Variants in TMEM132D observed in about 807,000 individuals in gnomAD.
The protein encoded by TMEM132D is mature OL transmembrane protein.
A neutral mutation model predicts 62.3 loss-of-function variants in TMEM132D; 21 were observed. The observed-to-expected ratio is 0.34, with a 90% CI of 0.24 to 0.49. The LOEUF is 0.49. Ranked by LOEUF, TMEM132D falls within the 20% of genes least tolerant of loss-of-function variation. The pLI is 0.99. For missense variants in TMEM132D, 1,346 were observed against 1,402.8 expected, an observed-to-expected ratio of 0.96 and a Z score of 0.65; for synonymous variants, 621 against 575.6, an observed-to-expected ratio of 1.08 and a Z score of -1.13.
At chr12:129,681,120 G>T (rs7307841) in intron 2 of TMEM132D, among the ~76,000 whole-genome samples, 1 of 151,992 alleles carries the variant, frequency 6.6e-6, no homozygotes, top group Non-Finnish European at 1.5e-5. Flanking sequence ...GCAGGGTAAG[G>T]GTAGAAAATA....
intron 1 of TMEM132D, among the ~76,000 whole-genome samples, chr12:129,874,742 C>T (rs1874362526): frequency 1.5e-5 from 2 of 137,496 alleles, no homozygotes; most frequent in Non-Finnish European, 3.1e-5. Flanking sequence ...ACTCTTGTCA[C>T]CCAGGCTGGA....
At chr12:129,477,832 A>T (rs1477060434) in intron 3 of TMEM132D, among the ~76,000 whole-genome samples, 3 of 152,080 alleles carry the variant, frequency 2.0e-5, no homozygotes, top group African/African-American at 7.2e-5. Context: ...AAAAAAAAAT[A>T]AAATAAAATA....
intron 3 of TMEM132D, among the ~76,000 whole-genome samples, chr12:129,525,799 C>A (rs1472705426): frequency 6.6e-6 from 1 of 152,164 alleles, no homozygotes; most frequent in Non-Finnish European, 1.5e-5. Context: ...ATGTTCTTCC[C>A]ACTCTCTTTG....
In TMEM132D at chr12:129,569,586, C is replaced by A. The variant is rs753307811; in HGVS notation, c.969-38381G>T. Among the ~76,000 whole-genome samples the A allele has an allele frequency of 5.7e-4, 87 of 152,130 alleles. 1 individual carries two copies. The highest frequency in any genetic ancestry group is 1.0e-3 in the Non-Finnish European group (70 of 68,022). On this transcript the variant is annotated intron_variant, in intron 2 of 8. Coordinates refer to ENST00000422113, the MANE Select transcript of TMEM132D (RefSeq NM_133448.3). ...ACATTTTAGGATTCAAAGGGGTAAA[C>A]ACAATTTTATTAAAATTTTCACAAC...
intron 3 of TMEM132D, among the ~76,000 whole-genome samples, chr12:129,342,698 G>C (rs1332608210): frequency 1.3e-5 from 2 of 151,988 alleles, no homozygotes; most frequent in Non-Finnish European, 2.9e-5. Context: ...CTAATATCCA[G>C]AATCTACAAA....
chr12:129,184,403 C>T (rs572546156), intron 5 of TMEM132D, among the ~76,000 whole-genome samples: 4 of 152,170 alleles, frequency 2.6e-5, no homozygotes, highest in African/African-American at 7.2e-5. Flanking sequence ...GTCCTTTGTG[C>T]GGGCTGTTTA....
At chr12:129,320,895 G>T (rs761981297) in intron 4 of TMEM132D, among the ~76,000 whole-genome samples, 2 of 152,064 alleles carry the variant, frequency 1.3e-5, no homozygotes, top group African/African-American at 4.8e-5. Flanking sequence ...TGCGAAAGAG[G>T]AGTACCAATA....
At chr12:129,478,470 A>G (rs1235777135) in intron 3 of TMEM132D, among the ~76,000 whole-genome samples, 2 of 152,210 alleles carry the variant, frequency 1.3e-5, no homozygotes, top group African/African-American at 4.8e-5. Context: ...TTGCATGACT[A>G]CATATGTAGA....
chr12:129,684,963 GCAA>G (rs1880871946), intron 2 of TMEM132D, among the ~76,000 whole-genome samples: 2 of 152,172 alleles, frequency 1.3e-5, no homozygotes, highest in African/African-American at 4.8e-5. Context: ...TTTCTAAGCA[GCAA>G]CGTGTTCAAG....
In TMEM132D at chr12:129,326,655, C is replaced by A. The variant is rs187343489; in HGVS notation, c.1299+10979G>T. 2.6e-5 allele frequency among the ~76,000 whole-genome samples: 4 copies of A among 152,252 alleles called. No individual in the cohort carries two copies. The East Asian group carries it at 7.7e-4, about 29-fold the overall frequency. On this transcript the variant is annotated intron_variant, in intron 4 of 8. Transcript: ENST00000422113. ...CTTGCGAGGCTGAAAATATTTAGTA[C>A]CTGTCCCTTCACAGAAAGTGTTTGC...
At chr12:129,253,127 C>T (rs2135591413) in intron 4 of TMEM132D, among the ~76,000 whole-genome samples, 1 of 150,502 alleles carries the variant, frequency 6.6e-6, no homozygotes, top group African/African-American at 2.4e-5. Context: ...ACCAACATGG[C>T]ACATGTATAC....
At chr12:129,488,384 T>C (rs1482241061) in intron 3 of TMEM132D, among the ~76,000 whole-genome samples, 1 of 152,142 alleles carries the variant, frequency 6.6e-6, no homozygotes, top group African/African-American at 2.4e-5. Flanking sequence ...TTCAATTATC[T>C]TCTTATTGTC....
intron 1 of TMEM132D, among the ~76,000 whole-genome samples, chr12:129,707,410 C>G (rs1244111188): frequency 6.6e-6 from 1 of 151,622 alleles, no homozygotes; most frequent in Admixed American, 6.6e-5. Flanking sequence ...AAAGAAAAAG[C>G]TTGTGTAATT....
chr12:129,448,596 A>G (rs1163052746), intron 3 of TMEM132D, among the ~76,000 whole-genome samples: 1 of 152,214 alleles, frequency 6.6e-6, no homozygotes, highest in Non-Finnish European at 1.5e-5. Flanking sequence ...TATCGCATAT[A>G]CATGCCACAT....
intron 1 of TMEM132D, among the ~76,000 whole-genome samples, chr12:129,749,812 A>G (rs1869941783): frequency 6.6e-6 from 1 of 152,124 alleles, no homozygotes; most frequent in Non-Finnish European, 1.5e-5. Context: ...AAAGACACAG[A>G]GTATGTAGAC....
At chr12:129,309,839 G>C (rs1881930456) in intron 4 of TMEM132D, among the ~76,000 whole-genome samples, 1 of 151,884 alleles carries the variant, frequency 6.6e-6, no homozygotes, top group Middle Eastern at 3.4e-3. Context: ...AAAAAGCAAA[G>C]CTACATTTAA....
intron 5 of TMEM132D, among the ~76,000 whole-genome samples, chr12:129,094,540 TG>T (rs1875035957): frequency 6.6e-6 from 1 of 152,180 alleles, no homozygotes; most frequent in African/African-American, 2.4e-5. Flanking sequence ...CAACAGGTGC[TG>T]GAGAGGATGT....
chr12:129,197,398 A>ATT, intron 5 of TMEM132D, among the ~76,000 whole-genome samples: 1 of 152,270 alleles, frequency 6.6e-6, no homozygotes, highest in Non-Finnish European at 1.5e-5. Context: ...ATGCATCAGA[A>ATT]CTCTCTGTGT....
At chr12:129,245,384 C>T (rs1424565929) in intron 4 of TMEM132D, among the ~76,000 whole-genome samples, 1 of 152,178 alleles carries the variant, frequency 6.6e-6, no homozygotes, top group Non-Finnish European at 1.5e-5. Flanking sequence ...TTTTATGGCT[C>T]GATAGCTCAT....
Sources: gnomAD v4.1 joint callset for allele counts (sites outside exome capture counted in the v4.1 genomes callset) on GRCh38, gnomAD v4.1.1 for gene constraint, MANE v1.5 for transcripts, NCBI Gene and HGNC (gene_info 2026-07-23, HGNC 2026-07-21) for gene names.